Variants in UBN1 observed in about 807,000 individuals in gnomAD.
The protein encoded by UBN1 is ubinuclein-1.
UBN1 carries 17 observed loss-of-function variants against 108.5 expected under a neutral mutation model. The observed-to-expected ratio is 0.16, with a 90% confidence interval of 0.11 to 0.24. The LOEUF is 0.24. Among genes scored for constraint, UBN1 ranks in the 10% least tolerant of loss-of-function variants. The pLI is 1.00. For missense variants in UBN1, 1,595 were observed against 1,394.4 expected, an observed-to-expected ratio of 1.14 and a Z score of -2.29; for synonymous variants, 726 against 564.2, an observed-to-expected ratio of 1.29 and a Z score of -4.07.
rs1348037079 is a variant in UBN1, at chr16:4,877,699, C to T, written c.3355+225C>T. The T allele has an allele frequency of 2.4e-6, 3 of 1,241,754 alleles. No individual in the cohort carries two copies. Among genetic ancestry groups the T allele is most frequent in the African/African-American group, 1.6e-5 (1 of 64,234 alleles). The allele number at this position is 1,241,754 out of a possible 1,614,324, so 76.9% of individuals were successfully genotyped here. Reference sequence around the variant, plus strand: ...GGAGCTGCCGCCAGGTCAGCCTCAGCCTGTGTGATCACAGGGAAAGTTGCG... The same window carrying T: ...GGAGCTGCCGCCAGGTCAGCCTCAGTCTGTGTGATCACAGGGAAAGTTGCG... On this transcript the variant is annotated intron_variant, in intron 17 of 17. Transcript: ENST00000262376. The surrounding 1 kb of genome is among the most constrained non-coding windows in gnomAD (Gnocchi z 4.3).
intron 11 of UBN1, 27 bp from the exon 12 acceptor site, chr16:4,871,128 A>G (rs1164354805): frequency 6.2e-7 from 1 of 1,612,916 alleles, no homozygotes. Context: ...AGTAGTTTGG[A>G]GTTTCTGATT....
At chr16:4,868,936 T>G in intron 8 of UBN1, 33 bp downstream of exon 8, 1 of 1,611,576 alleles carries the variant, frequency 6.2e-7, no homozygotes, top group Non-Finnish European at 8.5e-7. Flanking sequence ...TCTGTCTGTC[T>G]GTTTCTGCTA....
Position 4,876,966 on chromosome 16 carries a change from G to A in UBN1, c.3120G>A (p.Ser1040=), listed in dbSNP as rs766458241. The A allele has an allele frequency of 1.9e-6, 3 of 1,614,170 alleles. No individual in the cohort carries two copies. The highest frequency in any genetic ancestry group is 1.1e-5 in the South Asian group (1 of 91,074). The change falls in exon 16 of 18, where the codon TCG becomes TCA. Residue 1040 remains serine, a synonymous_variant. Coordinates refer to ENST00000262376, the MANE Select transcript of UBN1 (RefSeq NM_001079514.3). ...SSPKLSGAMS[S]NSLGIITPVP... is the part of the protein sequence containing the mutation. ...CAAAGCTGTCTGGGGCCATGAGCTCGAACTCCTTGGGAATTATAACCCCTG... is the reference window on the plus strand; with the variant it reads ...CAAAGCTGTCTGGGGCCATGAGCTCAAACTCCTTGGGAATTATAACCCCTG...
chr16:4,858,853 C>A, intron 4 of UBN1, 172 bp from the exon 5 acceptor site: 2 of 999,658 alleles, frequency 2.0e-6, no homozygotes, highest in Non-Finnish European at 1.5e-6. Flanking sequence ...AAGTGATGAC[C>A]AGATCTGTCC....
rs767266494 is a variant in UBN1, at chr16:4,875,001, G to T, written c.2591G>T (p.Gly864Val). ...FHPSAPATSG[G>V]LSASSSSSHK... ...CCCTCTGCACCAGCCACCTCAGGAG[G>T]CCTGTCAGCCTCCAGCAGCAGCTCT... Residue 864 changes from glycine (G) to valine (V), a missense_variant, in exon 15 of 18, where the codon GGC becomes GTC. Physicochemically the swap from Gly to Val is moderately radical, Grantham distance 109 (BLOSUM62 -3). Around this residue, in one of 3 missense-constraint regions of UBN1, gnomAD observed 1,398 missense variants for 1,194.7 expected, o/e 1.17. Transcript: ENST00000262376. The T allele has an allele frequency of 3.3e-5, 53 of 1,613,916 alleles. No individual in the cohort carries two copies. The highest frequency in any genetic ancestry group is 4.2e-5 in the Non-Finnish European group (49 of 1,180,044).
At position 4,847,672 on chromosome 16, in the gene UBN1, G is replaced by T. The variant is rs941054977; in HGVS notation, c.-578G>T. On this transcript the variant is annotated 5_prime_UTR_variant, in exon 1 of 18. Coordinates refer to ENST00000262376, the MANE Select transcript of UBN1 (RefSeq NM_001079514.3). ...CGCCCGTTGGTCCGGCGCGGGCCCC[G>T]GGGCCATTCCCGAGCCCGAGGCGCT... 2 of 198,944 alleles carry T rather than the reference G, an allele frequency of 1.0e-5. No homozygotes were observed. Among genetic ancestry groups the T allele is most frequent in the Non-Finnish European group, 2.0e-5 (2 of 98,914 alleles). 12.3% of individuals were successfully genotyped at this position (198,944 alleles called of 1,614,324 possible).
intron 1 of UBN1, among the ~76,000 whole-genome samples, chr16:4,851,629 G>C (rs1409925116): frequency 9.9e-5 from 15 of 152,020 alleles, no homozygotes; most frequent in Admixed American, 9.8e-4. Flanking sequence ...GACCAGCCTG[G>C]GCAACATAGT....
Position 4,880,505 on chromosome 16 carries a change from AG to A in UBN1, c.*374del. On this transcript the variant is annotated 3_prime_UTR_variant, in exon 18 of 18. Transcript: ENST00000262376. ...GCCTGATCCCCTGGCATTTGGTCAG[AG>A]TACCTCAGAGCACCCCACTGCTCAG... The A allele has an allele frequency of 4.4e-6, 1 of 226,438 alleles. No homozygotes were observed. Among genetic ancestry groups the A allele is most frequent in the Non-Finnish European group, 9.2e-6 (1 of 109,220 alleles). The allele number at this position is 226,438 out of a possible 1,614,324, so 14.0% of individuals were successfully genotyped here.
chr16:4,861,266 A>G (rs1232669975), intron 7 of UBN1, among the ~76,000 whole-genome samples, 164 bp downstream of exon 7: 1 of 152,248 alleles, frequency 6.6e-6, no homozygotes, highest in Non-Finnish European at 1.5e-5. Flanking sequence ...AAAACAGTGT[A>G]AGCCTTGCCC....
At chr16:4,853,213 G>T (rs1043172343) in intron 2 of UBN1, 47 bp downstream of exon 2, 1 of 1,604,072 alleles carries the variant, frequency 6.2e-7, no homozygotes, top group South Asian at 1.1e-5. Context: ...ACGCACAGGG[G>T]TCAGTGCATG....
chr16:4,855,348 C>T (rs1386632880), intron 2 of UBN1, among the ~76,000 whole-genome samples: 11 of 152,074 alleles, frequency 7.2e-5, no homozygotes, highest in African/African-American at 9.7e-5. Context: ...GGCATAGTGG[C>T]TCACACCTGT....
Position 4,860,721 on chromosome 16 carries a change from A to G in UBN1, c.729A>G (p.Leu243=). Residue 243 remains leucine (L), a synonymous_variant, in exon 7 of 18, where the codon TTA becomes TTG. Coordinates refer to ENST00000262376, the MANE Select transcript of UBN1 (RefSeq NM_001079514.3). ...AGAAGAAGAAATATTCTGGGGCTTT[A>G]AGCGTTAAAGAGATGCTAAAGAAAT... is the stretch of plus-strand genomic sequence containing the variant. ...EKKKKKYSGA[L]SVKEMLKKFQ... 1 of 1,614,172 alleles carries G rather than the reference A, an allele frequency of 6.2e-7. No individual in the cohort carries two copies. The highest frequency in any genetic ancestry group is 8.5e-7 in the Non-Finnish European group (1 of 1,180,044).
In UBN1 at chr16:4,847,629, C is replaced by T. The variant is rs546681774; in HGVS notation, c.-621C>T. 7.3e-5 allele frequency: 20 copies of T among 272,816 alleles called. No homozygotes were observed. The East Asian group carries it at 1.9e-3, about 26-fold the overall frequency. 16.9% of individuals were successfully genotyped at this position (272,816 alleles called of 1,614,324 possible). A position where few individuals can be genotyped will look rare whatever the true frequency, so the allele number is the denominator to read the frequency against. Reference sequence around the variant, plus strand: ...GGGTCTTGGACTCCGCGCCCCTCCCCTCTCGGCGCTTCCGTTACGCCCGTT... The same window carrying T: ...GGGTCTTGGACTCCGCGCCCCTCCCTTCTCGGCGCTTCCGTTACGCCCGTT... On this transcript the variant is annotated 5_prime_UTR_variant, in exon 1 of 18. Coordinates refer to ENST00000262376, the MANE Select transcript of UBN1 (RefSeq NM_001079514.3).
chr16:4,861,100 C>T lies in UBN1; in HGVS notation c.1108C>T (p.Gln370Ter). The change falls in exon 7 of 18, where the codon CAG becomes TAG. Residue 370 changes from glutamine (Q) to a stop codon, truncating the protein, a stop_gained and splice_region_variant. Coordinates refer to ENST00000262376, the MANE Select transcript of UBN1 (RefSeq NM_001079514.3). LOFTEE classifies it high-confidence loss of function. ...GGAGAAGCGCGTTAAGGAGCTGGCT[C>T]AGGTATGGTGGCACAGTGCGGCTGG... ...PLEKRVKELAQAARAAEGESR... is the reference protein window; with the variant it reads ...PLEKRVKELA 6.2e-7 allele frequency: 1 copy of T among 1,611,768 alleles called. No individual in the cohort carries two copies. Among genetic ancestry groups the T allele is most frequent in the Non-Finnish European group, 8.5e-7 (1 of 1,179,150 alleles).
Position 4,880,168 on chromosome 16 carries a change from G to T in UBN1, c.*36G>T. On this transcript the variant is annotated 3_prime_UTR_variant, in exon 18 of 18. Coordinates refer to ENST00000262376, the MANE Select transcript of UBN1 (RefSeq NM_001079514.3). ...GGCAAGGCTTGCCACTTGGGTCTGG[G>T]TGGAATCAGAACGTGCAGGTCTCCC... The T allele has an allele frequency of 1.2e-6, 2 of 1,611,704 alleles. No individual in the cohort carries two copies. Among genetic ancestry groups the T allele is most frequent in the Non-Finnish European group, 1.7e-6 (2 of 1,177,924 alleles).
rs1012691371 is a variant in UBN1 at position 4,847,681 on chromosome 16, C to G, written c.-569C>G. 3 of 185,366 alleles carry G rather than the reference C, an allele frequency of 1.6e-5. No homozygotes were observed. The highest frequency in any genetic ancestry group is 7.2e-5 in the African/African-American group (3 of 41,898). 11.5% of individuals were successfully genotyped at this position (185,366 alleles called of 1,614,324 possible). A position where few individuals can be genotyped will look rare whatever the true frequency, so the allele number is the denominator to read the frequency against. ...GTCCGGCGCGGGCCCCGGGGCCATT[C>G]CCGAGCCCGAGGCGCTGGTCGGCCC... On this transcript the variant is annotated 5_prime_UTR_variant, in exon 1 of 18. Transcript: ENST00000262376.
At chr16:4,855,972 A>T (rs1489963958) in intron 2 of UBN1, among the ~76,000 whole-genome samples, 1 of 152,182 alleles carries the variant, frequency 6.6e-6, no homozygotes, top group Non-Finnish European at 1.5e-5. Context: ...TTGAGATCTG[A>T]TTGCCTGATT....
At chr16:4,853,846 G>C (rs60177208) in intron 2 of UBN1, among the ~76,000 whole-genome samples, 2,622 of 152,076 alleles carry the variant, frequency 0.017, 63 homozygotes, top group African/African-American at 0.059. Context: ...ACAAACATGA[G>C]CCACTGCACC....
At chr16:4,860,478 T>G (rs2087008655) in intron 6 of UBN1, among the ~76,000 whole-genome samples, 186 bp from the exon 7 acceptor site, 1 of 152,204 alleles carries the variant, frequency 6.6e-6, no homozygotes, top group African/African-American at 2.4e-5. Context: ...TAACCTGTAT[T>G]AACTCTCAAG....
Sources: gnomAD v4.1 joint callset for allele counts (sites outside exome capture counted in the v4.1 genomes callset) on GRCh38, gnomAD v4.1.1 for gene constraint, gnomAD v4.1.1 regional missense constraint, Gnocchi (gnomAD v3.1) non-coding constraint, MANE v1.5 for transcripts, NCBI Gene and HGNC (gene_info 2026-07-23, HGNC 2026-07-21) for gene names.